The following HOMER2 variants were observed in gnomAD, a reference collection of about 807,000 sequenced individuals.
HOMER2 encodes the protein homer scaffold protein 2, also known as homer protein homolog 2.
In HOMER2, 27 loss-of-function variants were observed where a neutral mutation model predicts 47.0. The observed-to-expected ratio is 0.57, with a 90% confidence interval of 0.42 to 0.79. The LOEUF (loss-of-function observed/expected upper bound fraction) is 0.79, where lower values mean the gene tolerates loss of function less well. Ranked by LOEUF, HOMER2 falls within the 30% of genes least tolerant of loss-of-function variation. The pLI is 0.00. For missense variants in HOMER2, 443 were observed against 435.0 expected (o/e 1.02, Z -0.16); for synonymous variants, 161 against 163.8 (o/e 0.98, Z 0.13).
rs1159627970 is a variant in HOMER2 at position 82,952,595 on chromosome 15, TCGGCAGCCGCTCCCCGCG to T, written c.-78_-61del. The T allele has an allele frequency of 1.8e-6, 2 of 1,127,782 alleles. No homozygotes were observed. Among genetic ancestry groups the T allele is most frequent in the African/African-American group, 1.7e-5 (1 of 60,586 alleles). 69.9% of individuals were successfully genotyped at this position (1,127,782 alleles called of 1,614,324 possible). Reference sequence around the variant, plus strand: ...CCTCTCGCGCTCGCTCTCCGCCCGCTCGGCAGCCGCTCCCCGCGCGGCACATGCGGCGGCCCGTGCGCG... The same window carrying T: ...CCTCTCGCGCTCGCTCTCCGCCCGCTCGGCACATGCGGCGGCCCGTGCGCG... On this transcript the variant is annotated 5_prime_UTR_variant, in exon 1 of 9. Coordinates refer to ENST00000450735, the MANE Select transcript of HOMER2 (RefSeq NM_004839.4).
intron 1 of HOMER2, among the ~76,000 whole-genome samples, chr15:82,915,193 G>T (rs2151159331): frequency 6.6e-6 from 1 of 151,756 alleles, no homozygotes; most frequent in East Asian, 1.9e-4. Flanking sequence ...TAGTGATGAT[G>T]GTTGTAGAAC....
intron 1 of HOMER2, among the ~76,000 whole-genome samples, chr15:82,966,777 C>T (rs574052285): frequency 1.3e-5 from 2 of 152,288 alleles, no homozygotes; most frequent in South Asian, 4.1e-4. Context: ...AGTTGTTTCT[C>T]AGAAACTCTT....
intron 1 of HOMER2, among the ~76,000 whole-genome samples, chr15:82,947,530 T>TA (rs1249026117): frequency 1.3e-5 from 2 of 152,208 alleles, no homozygotes; most frequent in Non-Finnish European, 2.9e-5. Flanking sequence ...GCTTTTCTGT[T>TA]AGTCTTTTGC....
chr15:82,934,989 C>T (rs1201543099), intron 1 of HOMER2, among the ~76,000 whole-genome samples: 1 of 152,126 alleles, frequency 6.6e-6, no homozygotes, highest in Non-Finnish European at 1.5e-5. Flanking sequence ...CCCACCACAC[C>T]AATCCCGCCT....
At chr15:82,942,177 T>C (rs2054280280) in intron 1 of HOMER2, among the ~76,000 whole-genome samples, 1 of 152,216 alleles carries the variant, frequency 6.6e-6, no homozygotes, top group Non-Finnish European at 1.5e-5. Context: ...CATATTTCAA[T>C]AACAGGCTTA....
intron 6 of HOMER2, among the ~76,000 whole-genome samples, chr15:82,853,026 T>A (rs940950125): frequency 6.6e-6 from 1 of 152,198 alleles, no homozygotes; most frequent in African/African-American, 2.4e-5. Flanking sequence ...ACAAAAGCAC[T>A]GTAGTGAAGT....
intron 3 of HOMER2, among the ~76,000 whole-genome samples, chr15:82,869,201 T>C (rs748853713): frequency 3.2e-4 from 48 of 151,970 alleles, no homozygotes; most frequent in Non-Finnish European, 5.7e-4. Flanking sequence ...CACCCCATAA[T>C]TCCCTCCCAG....
chr15:82,932,628 T>C (rs79268797), intron 1 of HOMER2, among the ~76,000 whole-genome samples: 8,846 of 151,998 alleles, frequency 0.058, 455 homozygotes, highest in African/African-American at 0.14. Context: ...GACAAGCTGA[T>C]GGTGCACTCC....
At chr15:82,938,034 A>AC (rs2054179600) in intron 1 of HOMER2, among the ~76,000 whole-genome samples, 1 of 152,056 alleles carries the variant, frequency 6.6e-6, no homozygotes, top group African/African-American at 2.4e-5. Context: ...TTCTTGATCT[A>AC]CCCTCCGGTT....
chr15:82,900,682 T>C (rs2053085479), intron 1 of HOMER2, among the ~76,000 whole-genome samples: 1 of 152,176 alleles, frequency 6.6e-6, no homozygotes. Context: ...ACACAGGCAG[T>C]ATTGCTCATT....
At chr15:82,864,617 GA>G (rs2051903929) in intron 3 of HOMER2, among the ~76,000 whole-genome samples, 1 of 152,104 alleles carries the variant, frequency 6.6e-6, no homozygotes, top group Non-Finnish European at 1.5e-5. Context: ...TTTTCTAGAT[GA>G]ATACTAAGTA....
chr15:82,984,278 C>G (rs1206389756), intron 1 of HOMER2, among the ~76,000 whole-genome samples: 1 of 151,300 alleles, frequency 6.6e-6, no homozygotes, highest in Non-Finnish European at 1.5e-5. Flanking sequence ...ATGATCCACC[C>G]GCCTCGACCT....
chr15:82,868,359 G>A (rs1419394946), intron 3 of HOMER2, among the ~76,000 whole-genome samples: 1 of 150,934 alleles, frequency 6.6e-6, no homozygotes, highest in Non-Finnish European at 1.5e-5. Context: ...TCACTTATAA[G>A]TAGGAGCTAA....
At chr15:82,927,187 G>A (rs2151185937) in intron 1 of HOMER2, among the ~76,000 whole-genome samples, 1 of 151,410 alleles carries the variant, frequency 6.6e-6, no homozygotes, top group East Asian at 1.9e-4. Flanking sequence ...ATCGACACCT[G>A]CCTCTGTTGT....
intron 1 of HOMER2, among the ~76,000 whole-genome samples, chr15:82,925,323 C>G (rs536598221): frequency 6.6e-6 from 1 of 152,168 alleles, no homozygotes; most frequent in Non-Finnish European, 1.5e-5. Flanking sequence ...TTAGGCAGGA[C>G]CTGGTGCCTC....
At chr15:82,904,102 A>G (rs1355063426) in intron 1 of HOMER2, among the ~76,000 whole-genome samples, 1 of 152,206 alleles carries the variant, frequency 6.6e-6, no homozygotes, top group Non-Finnish European at 1.5e-5. Context: ...ACACCACTGC[A>G]CTCCAGCCTG....
intron 1 of HOMER2, among the ~76,000 whole-genome samples, chr15:82,896,983 T>G (rs1485896057): frequency 6.7e-6 from 1 of 148,520 alleles, no homozygotes; most frequent in Non-Finnish European, 1.5e-5. Context: ...GCTGAACAGG[T>G]GGGGAAACAG....
At chr15:82,977,154 T>C (rs1324655059) in intron 1 of HOMER2, among the ~76,000 whole-genome samples, 2 of 152,166 alleles carry the variant, frequency 1.3e-5, no homozygotes, top group Admixed American at 6.5e-5. Context: ...AAGCAAATTA[T>C]AGCAAAATGC....
intron 3 of HOMER2, among the ~76,000 whole-genome samples, chr15:82,869,280 C>T (rs1394974405): frequency 2.6e-5 from 4 of 152,084 alleles, no homozygotes; most frequent in African/African-American, 4.8e-5. Flanking sequence ...CACCATCATC[C>T]AAGATAAGAA....
Sources: gnomAD v4.1 joint callset for allele counts (sites outside exome capture counted in the v4.1 genomes callset) on GRCh38, gnomAD v4.1.1 for gene constraint, MANE v1.5 for transcripts, NCBI Gene and HGNC (gene_info 2026-07-23, HGNC 2026-07-21) for gene names.